The following IFT74 variants were observed in gnomAD, a reference collection of about 807,000 sequenced individuals.
IFT74 encodes the protein intraflagellar transport 74.
IFT74 carries 92 observed loss-of-function variants against 96.7 expected under a neutral mutation model. The observed-to-expected ratio is 0.95, with a 90% CI of 0.80 to 1.13. The LOEUF is 1.13. IFT74 is among the 50% of genes most tolerant of loss of function. The pLI, the probability that IFT74 is intolerant of heterozygous loss-of-function variation, is 0.00. For missense variants in IFT74, 811 were observed against 698.2 expected (o/e 1.16, Z -1.82); for synonymous variants, 223 against 213.2 (o/e 1.05, Z -0.40).
chr9:27,034,598 G>C (rs1057066549), intron 13 of IFT74, among the ~76,000 whole-genome samples: 5 of 152,110 alleles, frequency 3.3e-5, no homozygotes, highest in African/African-American at 1.2e-4. Context: ...GTGTGATCTT[G>C]ACTTACCGCA....
At chr9:27,025,235 G>A (rs1829803105) in intron 12 of IFT74, among the ~76,000 whole-genome samples, 1 of 151,882 alleles carries the variant, frequency 6.6e-6, no homozygotes, top group South Asian at 2.1e-4. Flanking sequence ...ATGAGGTCAG[G>A]AGTTCAAGAG....
rs115226730 is a variant in IFT74, at chr9:27,014,984, T to A, written c.790-1923T>A. Among the ~76,000 whole-genome samples the A allele has an allele frequency of 3.5e-3, 539 of 152,342 alleles. 2 individuals are homozygous for A. Among genetic ancestry groups the A allele is most frequent in the African/African-American group, 0.012 (500 of 41,576 alleles). On this transcript the variant is annotated intron_variant, in intron 10 of 19. Transcript: ENST00000380062. ...CAGATAGTGGTCAATCAACTAGTAT[T>A]TTTTGAATACTTTATGTTCACTGCT...
intron 2 of IFT74, among the ~76,000 whole-genome samples, chr9:26,972,199 C>G (rs1289860433): frequency 2.6e-5 from 4 of 151,392 alleles, no homozygotes; most frequent in African/African-American, 9.7e-5. Flanking sequence ...GTTAAATCAT[C>G]TTTTTTTTTA....
At chr9:26,947,169 A>C in intron 1 of IFT74, 1 of 1,189,252 alleles carries the variant, frequency 8.4e-7, no homozygotes, top group Non-Finnish European at 1.1e-6. Flanking sequence ...CGGAGACCGG[A>C]AGAGCCCGAG....
intron 1 of IFT74, among the ~76,000 whole-genome samples, chr9:26,959,780 A>G (rs1056698716): frequency 1.4e-4 from 21 of 152,170 alleles, no homozygotes; most frequent in Non-Finnish European, 2.9e-4. Context: ...ATAGAAAAGT[A>G]GTTAAGGGTG....
At chr9:26,953,519 ATCT>A (rs1160188108), upstream of IFT74, among the ~76,000 whole-genome samples, 1 of 152,222 alleles carries the variant, frequency 6.6e-6, no homozygotes, top group Admixed American at 6.5e-5. Context: ...TTCTATAGCC[ATCT>A]TCTTTCAATA....
At chr9:27,024,993 A>G (rs1829790683) in intron 12 of IFT74, among the ~76,000 whole-genome samples, 1 of 151,944 alleles carries the variant, frequency 6.6e-6, no homozygotes. Flanking sequence ...AAAAAAGCAC[A>G]AAGGCTCCAA....
chr9:27,020,679 T>A (rs1829558915), intron 12 of IFT74, among the ~76,000 whole-genome samples: 2 of 152,080 alleles, frequency 1.3e-5, no homozygotes, highest in South Asian at 4.1e-4. Context: ...TTTCACTGTG[T>A]TAGCCAGGAT....
In IFT74 at chr9:27,047,343, T is replaced by C; in HGVS notation, c.1178T>C (p.Ile393Thr). 6.2e-7 allele frequency: 1 copy of C among 1,612,822 alleles called. No individual in the cohort carries two copies. Among genetic ancestry groups the C allele is most frequent in the South Asian group, 1.1e-5 (1 of 91,016 alleles). The change falls in exon 15 of 20, where the codon ATT becomes ACT. Residue 393 changes from isoleucine to threonine, a missense_variant. Ile to Thr is a moderately conservative substitution (Grantham distance 89, BLOSUM62 -1). Transcript: ENST00000380062. ...CGAAAGGCACAGATAGAAGCCAACA[T>C]TGTTGCACTCTTGGAGCACTGCAGT... ...LKRKAQIEAN[I>T]VALLEHCSRN...
intron 12 of IFT74, among the ~76,000 whole-genome samples, chr9:27,025,458 A>AG (rs1370703232): frequency 6.6e-6 from 1 of 150,958 alleles, no homozygotes; most frequent in Non-Finnish European, 1.5e-5. Flanking sequence ...AAAAAAAAAA[A>AG]AAAAAGAAAA....
intron 8 of IFT74, chr9:26,998,387 C>A: frequency 2.1e-6 from 1 of 483,506 alleles, no homozygotes; most frequent in Non-Finnish European, 3.5e-6. Flanking sequence ...TACAGTAGAG[C>A]AAATCTTTTT....
intron 13 of IFT74, among the ~76,000 whole-genome samples, chr9:27,040,228 T>A (rs1210713480): frequency 1.3e-5 from 2 of 151,998 alleles, no homozygotes; most frequent in Admixed American, 1.3e-4. Context: ...GTGACCAGAA[T>A]GGTAATAGGG....
chr9:26,950,210 G>A (rs953666955), intron 1 of IFT74, among the ~76,000 whole-genome samples: 9 of 151,992 alleles, frequency 5.9e-5, no homozygotes. Context: ...TACTCAGGAG[G>A]CTGAGGCAGG....
intron 8 of IFT74, among the ~76,000 whole-genome samples, chr9:27,008,379 A>T (rs1008670209): frequency 8.0e-5 from 12 of 149,754 alleles, no homozygotes; most frequent in Admixed American, 7.3e-4. Flanking sequence ...TTTTTTTGAG[A>T]TGGAGTTTTG....
In IFT74 at chr9:27,055,602, G is replaced by A; in HGVS notation, c.1334-7G>A. The A allele has an allele frequency of 6.4e-7, 1 of 1,565,156 alleles. No individual in the cohort carries two copies. The highest frequency in any genetic ancestry group is 2.1e-5 in the Admixed American group (1 of 48,684). On this transcript the variant is annotated splice_polypyrimidine_tract_variant and splice_region_variant and intron_variant, in intron 16 of 19. Transcript: ENST00000380062. ...ATTAATTATCACCTTAAATTCTTAT[G>A]TTTCAGACATTCAACGTCTGCAGTT...
At chr9:26,953,696 G>C (rs115335243), upstream of IFT74, among the ~76,000 whole-genome samples, 1,543 of 150,320 alleles carry the variant, frequency 0.01, 25 homozygotes, top group African/African-American at 0.035. Flanking sequence ...TTTTTTGTAG[G>C]GGGGGGGTCT....
chr9:26,984,491 G>A lies in IFT74; in HGVS notation c.405-8G>A, dbSNP rs1270724562. On this transcript the variant is annotated splice_polypyrimidine_tract_variant and splice_region_variant and intron_variant, in intron 5 of 19. Coordinates refer to ENST00000380062, the MANE Select transcript of IFT74 (RefSeq NM_025103.4). The stretch of plus-strand genomic sequence containing the variant: ...ATATTTATGAATGTATTTATTTTAT[G>A]CTTTCAGGGCTGAGACTTTAGCTGT... 2 of 1,608,198 alleles carry A rather than the reference G, an allele frequency of 1.2e-6. No homozygotes were observed. Among genetic ancestry groups the A allele is most frequent in the Non-Finnish European group, 8.5e-7 (1 of 1,176,442 alleles).
In IFT74 at chr9:26,982,083, TG is replaced by T. The variant is rs1041424734; in HGVS notation, c.305+1465del. Among the ~76,000 whole-genome samples, 71 of 151,282 alleles carry T rather than the reference TG, an allele frequency of 4.7e-4. 1 individual carries two copies. The highest frequency in any genetic ancestry group is 3.4e-3 in the Middle Eastern group (1 of 292). ...GCACCTGGCCAAGAATAATCTTCTA[TG>T]TTTTTTTTCAGTAATTAATCTGAAA... On this transcript the variant is annotated intron_variant, in intron 4 of 19. Transcript: ENST00000380062.
intron 4 of IFT74, among the ~76,000 whole-genome samples, chr9:26,982,089 T>C (rs949017699): frequency 7.9e-5 from 12 of 152,074 alleles, no homozygotes; most frequent in Non-Finnish European, 1.5e-4. Flanking sequence ...TCTATGTTTT[T>C]TTTCAGTAAT....
Sources: allele counts gnomAD v4.1 joint callset (sites outside exome capture counted in the v4.1 genomes callset), GRCh38; gene constraint gnomAD v4.1.1; transcripts MANE v1.5; gene names NCBI Gene and HGNC (gene_info 2026-07-23, HGNC 2026-07-21).